The following LRRC37A2 variants were observed in gnomAD, a reference collection of about 807,000 sequenced individuals.
The protein encoded by LRRC37A2 is leucine-rich repeat-containing protein 37A2.
In LRRC37A2, 9 loss-of-function variants were observed where a neutral mutation model predicts 68.8. That is an observed-to-expected ratio of 0.13 (90% CI 0.08 to 0.23). The LOEUF (loss-of-function observed/expected upper bound fraction) is 0.23, where lower values mean the gene tolerates loss of function less well. Among genes scored for constraint, LRRC37A2 ranks in the 10% least tolerant of loss-of-function variants. The probability of loss-of-function intolerance (pLI) is 1.00; values close to 1 mark genes in which losing one functional copy is unlikely to be tolerated. For missense variants in LRRC37A2, 168 were observed against 950.4 expected (o/e 0.18, Z 10.82); for synonymous variants, 63 against 367.6 (o/e 0.17, Z 9.48).
the LRRC37A2 span, among the ~76,000 whole-genome samples, chr17:46,887,063 T>C: frequency 6.6e-6 from 1 of 152,134 alleles, no homozygotes; most frequent in African/African-American, 2.4e-5. Context: ...GCAATCCACC[T>C]GCCTTGGCCT....
At chr17:46,899,867 C>T in the LRRC37A2 span, among the ~76,000 whole-genome samples, 2 of 151,896 alleles carry the variant, frequency 1.3e-5, no homozygotes, top group Non-Finnish European at 2.9e-5. Flanking sequence ...AGTGACCCCA[C>T]CTGGAATTAA....
the LRRC37A2 span, among the ~76,000 whole-genome samples, chr17:46,798,180 C>T: frequency 2.6e-5 from 4 of 152,206 alleles, no homozygotes; most frequent in East Asian, 1.9e-4. Context: ...CCTCCCGCCT[C>T]GGCCTCCCGA....
At chr17:47,018,073 T>G in the LRRC37A2 span, 1 of 1,516,546 alleles carries the variant, frequency 6.6e-7, no homozygotes. Flanking sequence ...TATTATCACT[T>G]GCCCAACATT....
At chr17:47,002,126 G>A in the LRRC37A2 span, among the ~76,000 whole-genome samples, 1 of 151,906 alleles carries the variant, frequency 6.6e-6, no homozygotes, top group Non-Finnish European at 1.5e-5. Flanking sequence ...TTTTTGGTCA[G>A]GTTTCTTTCA....
At chr17:46,883,863 C>T in the LRRC37A2 span, among the ~76,000 whole-genome samples, 2 of 152,320 alleles carry the variant, frequency 1.3e-5, no homozygotes, top group South Asian at 2.1e-4. Flanking sequence ...GCCTCTCACG[C>T]GTCTTATCCC....
chr17:46,856,245 A>G, the LRRC37A2 span, among the ~76,000 whole-genome samples: 1 of 152,178 alleles, frequency 6.6e-6, no homozygotes, highest in Non-Finnish European at 1.5e-5. Flanking sequence ...GGTTATGAGA[A>G]TACCTATCTG....
the LRRC37A2 span, among the ~76,000 whole-genome samples, chr17:46,922,366 G>A: frequency 6.6e-6 from 1 of 152,130 alleles, no homozygotes; most frequent in Non-Finnish European, 1.5e-5. Context: ...ATAGCATTAG[G>A]AGATATACCT....
chr17:46,627,896 A>AG, the LRRC37A2 span, among the ~76,000 whole-genome samples: 1 of 62,414 alleles, frequency 1.6e-5, no homozygotes, highest in African/African-American at 5.8e-5. Flanking sequence ...TAACTTCTTG[A>AG]GGGGCTGAGG....
At chr17:46,920,496 G>A in the LRRC37A2 span, among the ~76,000 whole-genome samples, 2,419 of 152,236 alleles carry the variant, frequency 0.016, 60 homozygotes, top group African/African-American at 0.056. Flanking sequence ...AAAACTGGGT[G>A]GGATCCAGGA....
At chr17:46,808,613 T>C in the LRRC37A2 span, among the ~76,000 whole-genome samples, 1 of 152,176 alleles carries the variant, frequency 6.6e-6, no homozygotes. Context: ...TAAATCATGA[T>C]GTCTGCATGG....
At chr17:46,711,094 A>G in the LRRC37A2 span, 1 of 1,541,622 alleles carries the variant, frequency 6.5e-7, no homozygotes, top group African/African-American at 1.4e-5. Context: ...GTGACCGCAC[A>G]CCATTGGTCA....
the LRRC37A2 span, among the ~76,000 whole-genome samples, chr17:46,733,901 C>T: frequency 6.6e-6 from 1 of 152,168 alleles, no homozygotes; most frequent in African/African-American, 2.4e-5. Flanking sequence ...TGCTCTGACA[C>T]CTAGGAATAT....
chr17:46,543,984 GCA>G (rs2055903876), intron 8 of LRRC37A2, among the ~76,000 whole-genome samples: 1 of 134,666 alleles, frequency 7.4e-6, no homozygotes, highest in Admixed American at 7.2e-5. Flanking sequence ...AGGTGTGGTG[GCA>G]CACACCTGTA....
At chr17:46,547,978 C>CCAGCTCAT in intron 9 of LRRC37A2, 8 of 47,798 alleles carry the variant, frequency 1.7e-4, no homozygotes, top group Non-Finnish European at 2.7e-4. Context: ...TGCAGAGAGG[C>CCAGCTCAT]CAGCTCATCA....
the LRRC37A2 span, among the ~76,000 whole-genome samples, chr17:46,731,901 A>G: frequency 1.3e-5 from 2 of 152,216 alleles, no homozygotes; most frequent in Admixed American, 6.5e-5. Context: ...GTGCTTTGTC[A>G]TACCACCTTG....
At chr17:46,876,662 T>TA in the LRRC37A2 span, 1 of 1,598,318 alleles carries the variant, frequency 6.3e-7, no homozygotes. Flanking sequence ...GTGGTGCTGC[T>TA]ACGTGGAGTG....
the LRRC37A2 span, among the ~76,000 whole-genome samples, chr17:46,496,981 T>A: frequency 7.0e-6 from 1 of 142,278 alleles, no homozygotes; most frequent in African/African-American, 2.7e-5. Context: ...AGTATAATAC[T>A]GTTTTTGACT....
chr17:46,785,092 T>C, the LRRC37A2 span, among the ~76,000 whole-genome samples: 1 of 152,194 alleles, frequency 6.6e-6, no homozygotes, highest in Non-Finnish European at 1.5e-5. Flanking sequence ...TTTTTGCTTT[T>C]CTTATGATGC....
chr17:46,973,068 GA>G, the LRRC37A2 span: 1 of 152,332 alleles, frequency 6.6e-6, no homozygotes. Flanking sequence ...GCACTCAAGG[GA>G]TGCTACTCGG....
Sources: allele counts gnomAD v4.1 joint callset (sites outside exome capture counted in the v4.1 genomes callset), GRCh38; gene constraint gnomAD v4.1.1; transcripts MANE v1.5; gene names NCBI Gene and HGNC (gene_info 2026-07-23, HGNC 2026-07-21).